The following ATL2 variants were observed in gnomAD, a reference collection of about 807,000 sequenced individuals.
ATL2 encodes atlastin-2.
In ATL2, 31 loss-of-function variants were observed where a neutral mutation model predicts 73.9. The ratio of observed to expected loss-of-function variants is 0.42; its 90% CI spans 0.32 to 0.57. The LOEUF (loss-of-function observed/expected upper bound fraction) is 0.57. Among genes scored for constraint, ATL2 ranks in the 20% least tolerant of loss-of-function variants. ATL2 has a pLI of 0.14. For missense variants in ATL2, 738 were observed against 702.6 expected, an observed-to-expected ratio of 1.05 and a Z score of -0.57; for synonymous variants, 291 against 237.5, an observed-to-expected ratio of 1.23 and a Z score of -2.07.
chr2:38,324,378 A>C (rs1668487083), intron 2 of ATL2, among the ~76,000 whole-genome samples: 1 of 152,238 alleles, frequency 6.6e-6, no homozygotes, highest in Admixed American at 6.5e-5. Flanking sequence ...CATGTGTATA[A>C]AACTAGTACC....
At chr2:38,301,881 C>T (rs766574296) in intron 9 of ATL2, among the ~76,000 whole-genome samples, 18 of 152,134 alleles carry the variant, frequency 1.2e-4, no homozygotes, top group Admixed American at 5.2e-4. Flanking sequence ...GTCACTCCCC[C>T]TACACAAGCT....
At chr2:38,368,305 C>A (rs564923343) in intron 1 of ATL2, among the ~76,000 whole-genome samples, 43 of 147,692 alleles carry the variant, frequency 2.9e-4, no homozygotes, top group African/African-American at 9.7e-4. Flanking sequence ...CAGGCTGGAG[C>A]GCAATGGTGC....
chr2:38,376,868 G>A (rs559341701), intron 1 of ATL2, among the ~76,000 whole-genome samples: 3 of 150,670 alleles, frequency 2.0e-5, no homozygotes, highest in African/African-American at 7.3e-5. Context: ...GCGGCGGGCT[G>A]GCGGGCAGGG....
At chr2:38,368,520 G>A (rs1481288504) in intron 1 of ATL2, among the ~76,000 whole-genome samples, 1 of 152,182 alleles carries the variant, frequency 6.6e-6, no homozygotes, top group African/African-American at 2.4e-5. Flanking sequence ...CCAAAGTGCT[G>A]GGATTACAGG....
intron 2 of ATL2, among the ~76,000 whole-genome samples, 182 bp from the exon 3 acceptor site, chr2:38,319,201 T>C (rs1451607499): frequency 6.6e-6 from 1 of 152,226 alleles, no homozygotes; most frequent in Non-Finnish European, 1.5e-5. Context: ...CTTTTTCTTA[T>C]AGAGACGTGG....
intron 1 of ATL2, among the ~76,000 whole-genome samples, chr2:38,356,322 T>C (rs753564160): frequency 3.3e-5 from 5 of 151,944 alleles, no homozygotes; most frequent in African/African-American, 1.2e-4. Context: ...GCCTCCCAAG[T>C]AGTTGGGACT....
At chr2:38,358,900 G>C (rs1488599245) in intron 1 of ATL2, among the ~76,000 whole-genome samples, 2 of 151,952 alleles carry the variant, frequency 1.3e-5, no homozygotes, top group Admixed American at 6.6e-5. Flanking sequence ...CTTGGACTTC[G>C]ATAAATTTTT....
At position 38,327,455 on chromosome 2, in the gene ATL2, A is replaced by G. The variant is rs115702801; in HGVS notation, c.364-8436T>C. Among the ~76,000 whole-genome samples, 548 of 151,498 alleles carry G rather than the reference A, an allele frequency of 3.6e-3. 1 individual carries two copies. The highest frequency in any genetic ancestry group is 6.2e-3 in the Non-Finnish European group (423 of 67,900). ...AAACACGTTTAACAGATATATTAAG[A>G]GAGTACAGAAAACGCAATCAAGTAA... On this transcript the variant is annotated intron_variant, in intron 2 of 12. Transcript: ENST00000378954.
chr2:38,313,826 CA>C (rs1667884291), intron 6 of ATL2, among the ~76,000 whole-genome samples: 1 of 152,128 alleles, frequency 6.6e-6, no homozygotes, highest in African/African-American at 2.4e-5. Flanking sequence ...AGCTCTCCCA[CA>C]AAACTGTGAC....
intron 2 of ATL2, among the ~76,000 whole-genome samples, chr2:38,334,880 A>ATATAATATATATTATATATTATT (rs1669228661): frequency 3.8e-5 from 1 of 26,462 alleles, no homozygotes; most frequent in Admixed American, 5.5e-4. Context: ...AATATATATT[A>ATATAATATATATTATATATTATT]TATAATATAT....
intron 2 of ATL2, among the ~76,000 whole-genome samples, chr2:38,326,474 A>C (rs1668668617): frequency 6.6e-6 from 1 of 152,250 alleles, no homozygotes; most frequent in Non-Finnish European, 1.5e-5. Flanking sequence ...CAACAGAACC[A>C]GACTCAGATA....
At chr2:38,315,231 A>T in intron 5 of ATL2, 53 bp downstream of exon 5, 1 of 1,399,374 alleles carries the variant, frequency 7.1e-7, no homozygotes, top group Non-Finnish European at 9.3e-7. Flanking sequence ...AGTCTGGGGA[A>T]CAAGAGCGAA....
At chr2:38,318,768 TAA>T in intron 3 of ATL2, 115 bp downstream of exon 3, 23 of 1,352,064 alleles carry the variant, frequency 1.7e-5, no homozygotes, top group Non-Finnish European at 2.3e-5. Flanking sequence ...ACATTTGACA[TAA>T]TAATCCGTAT....
chr2:38,299,626 G>C (rs1667082163), intron 10 of ATL2, among the ~76,000 whole-genome samples: 3 of 151,912 alleles, frequency 2.0e-5, no homozygotes, highest in South Asian at 4.2e-4. Flanking sequence ...TAAAATATGT[G>C]GATCTCCAGG....
intron 1 of ATL2, among the ~76,000 whole-genome samples, chr2:38,359,361 T>C (rs992843747): frequency 1.3e-5 from 2 of 151,748 alleles, no homozygotes; most frequent in South Asian, 4.2e-4. Flanking sequence ...TCCCAGCTAT[T>C]TGGGAGGCTG....
At chr2:38,334,906 T>TAATATATA (rs909694150) in intron 2 of ATL2, among the ~76,000 whole-genome samples, 2 of 139,094 alleles carry the variant, frequency 1.4e-5, no homozygotes, top group Admixed American at 1.5e-4. Context: ...ATATTATTTA[T>TAATATATA]AATATATAAA....
At chr2:38,337,022 TA>T (rs555446533) in intron 2 of ATL2, among the ~76,000 whole-genome samples, 29 of 152,304 alleles carry the variant, frequency 1.9e-4, no homozygotes, top group Middle Eastern at 3.4e-3. Context: ...CAACGGGATG[TA>T]ATCTGCAAAT....
At chr2:38,360,118 G>A (rs1374527893) in intron 1 of ATL2, among the ~76,000 whole-genome samples, 1 of 137,292 alleles carries the variant, frequency 7.3e-6, no homozygotes, top group Non-Finnish European at 1.5e-5. Context: ...GGCAGAGCAA[G>A]GCTCCATTTC....
chr2:38,314,854 C>T (rs536105598), intron 5 of ATL2, among the ~76,000 whole-genome samples, 190 bp from the exon 6 acceptor site: 23 of 152,278 alleles, frequency 1.5e-4, no homozygotes, highest in Non-Finnish European at 3.1e-4. Flanking sequence ...CAGTTTAAAC[C>T]CATATAACAT....
Sources: gnomAD v4.1 joint callset for allele counts (sites outside exome capture counted in the v4.1 genomes callset) on GRCh38, gnomAD v4.1.1 for gene constraint, MANE v1.5 for transcripts, NCBI Gene and HGNC (gene_info 2026-07-23, HGNC 2026-07-21) for gene names.